AGBL4: variants seen among roughly 807,000 people sequenced by gnomAD.
The protein encoded by AGBL4 is cytosolic carboxypeptidase 6.
In AGBL4, 58 loss-of-function variants were observed where a neutral mutation model predicts 66.4. The ratio of observed to expected loss-of-function variants is 0.87; its 90% CI spans 0.71 to 1.09. The LOEUF is 1.09. AGBL4 is among the 50% of genes least tolerant of loss of function. The pLI is 0.00. For synonymous variants in AGBL4, 234 were observed against 222.9 expected (o/e 1.05, Z -0.44); for missense variants, 579 against 631.0 (o/e 0.92, Z 0.88).
intron 2 of AGBL4, among the ~76,000 whole-genome samples, chr1:49,829,205 G>A (rs1043601790): frequency 1.2e-4 from 19 of 152,172 alleles, no homozygotes; most frequent in African/African-American, 4.6e-4. Context: ...ATGGACGGAT[G>A]GATGAATGGA....
At chr1:49,343,126 G>C (rs1404764034) in intron 3 of AGBL4, among the ~76,000 whole-genome samples, 1 of 150,932 alleles carries the variant, frequency 6.6e-6, no homozygotes, top group Non-Finnish European at 1.5e-5. Context: ...CTTCTCAGTC[G>C]GCCTGAATTA....
At chr1:48,955,724 C>A (rs1333380219) in intron 5 of AGBL4, among the ~76,000 whole-genome samples, 1 of 152,152 alleles carries the variant, frequency 6.6e-6, no homozygotes, top group Non-Finnish European at 1.5e-5. Context: ...ATTGAAAAAA[C>A]GAGAAGCTAG....
At chr1:49,166,457 T>C (rs1383842644) in intron 4 of AGBL4, among the ~76,000 whole-genome samples, 1 of 152,102 alleles carries the variant, frequency 6.6e-6, no homozygotes, top group Non-Finnish European at 1.5e-5. Flanking sequence ...TTAACTTGGT[T>C]CTGTAGCTAT....
chr1:49,186,181 C>G (rs117619413), intron 4 of AGBL4, among the ~76,000 whole-genome samples: 1 of 152,150 alleles, frequency 6.6e-6, no homozygotes, highest in Non-Finnish European at 1.5e-5. Context: ...CACCCTGCCT[C>G]CCCTATGCAT....
intron 3 of AGBL4, among the ~76,000 whole-genome samples, chr1:49,655,003 A>G (rs992160933): frequency 5.3e-5 from 8 of 151,992 alleles, no homozygotes; most frequent in Non-Finnish European, 1.2e-4. Context: ...AGCTGATGCA[A>G]TTTCTTCCTA....
chr1:49,021,133 G>A (rs1397156836), intron 5 of AGBL4, among the ~76,000 whole-genome samples: 1 of 152,186 alleles, frequency 6.6e-6, no homozygotes, highest in Non-Finnish European at 1.5e-5. Context: ...GATTCGGGCA[G>A]CATAGAGAGC....
At chr1:48,925,748 A>G (rs1291663473) in intron 5 of AGBL4, among the ~76,000 whole-genome samples, 1 of 152,214 alleles carries the variant, frequency 6.6e-6, no homozygotes, top group Non-Finnish European at 1.5e-5. Context: ...ACTTACGGAT[A>G]TGGAGGGCCA....
the AGBL4 span, among the ~76,000 whole-genome samples, chr1:48,526,633 A>G: frequency 6.6e-6 from 1 of 152,198 alleles, no homozygotes; most frequent in African/African-American, 2.4e-5. Context: ...AGGAGCAGTA[A>G]TAGTAGTAGG....
intron 3 of AGBL4, among the ~76,000 whole-genome samples, chr1:49,560,997 A>G (rs894098259): frequency 6.6e-6 from 1 of 152,146 alleles, no homozygotes; most frequent in African/African-American, 2.4e-5. Context: ...CCAGTGAGAA[A>G]TAACTAATCA....
intron 3 of AGBL4, among the ~76,000 whole-genome samples, chr1:49,406,078 C>T (rs181436930): frequency 4.5e-4 from 68 of 152,316 alleles, no homozygotes; most frequent in African/African-American, 6.3e-4. Flanking sequence ...TTCCCTAAAA[C>T]GGGTCAGTGC....
chr1:49,685,013 TAA>T (rs957323033), intron 3 of AGBL4, among the ~76,000 whole-genome samples: 2 of 152,180 alleles, frequency 1.3e-5, no homozygotes, highest in Admixed American at 1.3e-4. Flanking sequence ...AGGTAAGTAG[TAA>T]TCATACTACT....
In AGBL4 at chr1:48,767,491, G is replaced by A. The variant is rs75099610; in HGVS notation, c.634+99700C>T. ...CAGTGGCAAGCAAGACGGATAAGAC[G>A]TGAGGAGGAGACAGAACACAGGGTG... On this transcript the variant is annotated intron_variant, in intron 6 of 13. Transcript: ENST00000371839. 2.9e-3 allele frequency among the ~76,000 whole-genome samples: 444 copies of A among 152,342 alleles called. 1 individual carries two copies. Among genetic ancestry groups the A allele is most frequent in the Admixed American group, 5.1e-3 (78 of 15,298 alleles).
intron 6 of AGBL4, among the ~76,000 whole-genome samples, chr1:48,836,842 A>G (rs1471617023): frequency 6.6e-6 from 1 of 152,036 alleles, no homozygotes; most frequent in Non-Finnish European, 1.5e-5. Flanking sequence ...TCATTTATTA[A>G]ACAAATATTT....
chr1:48,825,229 G>A (rs1236186624), intron 6 of AGBL4, among the ~76,000 whole-genome samples: 3 of 152,270 alleles, frequency 2.0e-5, no homozygotes, highest in Non-Finnish European at 4.4e-5. Context: ...AGGAGGGAGG[G>A]AAAGATTCCG....
intron 2 of AGBL4, among the ~76,000 whole-genome samples, chr1:49,833,193 A>G (rs926121440): frequency 3.9e-5 from 6 of 152,190 alleles, no homozygotes; most frequent in Non-Finnish European, 5.9e-5. Flanking sequence ...AAGGGATCCA[A>G]TTTCAGCTTT....
chr1:49,236,323 C>T (rs925112776), intron 4 of AGBL4, among the ~76,000 whole-genome samples: 8 of 152,092 alleles, frequency 5.3e-5, no homozygotes, highest in African/African-American at 1.9e-4. Context: ...CCACCACACC[C>T]AGCTCATTCT....
intron 3 of AGBL4, among the ~76,000 whole-genome samples, chr1:49,280,902 A>T (rs1190256903): frequency 1.3e-5 from 2 of 152,242 alleles, no homozygotes; most frequent in Non-Finnish European, 2.9e-5. Flanking sequence ...TCAATGTCAG[A>T]TAGCAATAAT....
At chr1:49,806,260 G>A (rs79570291) in intron 2 of AGBL4, among the ~76,000 whole-genome samples, 1 of 152,262 alleles carries the variant, frequency 6.6e-6, no homozygotes, top group Non-Finnish European at 1.5e-5. Context: ...TGAGTTCTTA[G>A]AAAGAAATAA....
At chr1:49,012,714 T>G (rs1191798092) in intron 5 of AGBL4, among the ~76,000 whole-genome samples, 1 of 152,172 alleles carries the variant, frequency 6.6e-6, no homozygotes. Context: ...TGCCCTCAGT[T>G]CCAAAGCAAA....
Sources: allele counts gnomAD v4.1 joint callset (sites outside exome capture counted in the v4.1 genomes callset), GRCh38; gene constraint gnomAD v4.1.1; transcripts MANE v1.5; gene names NCBI Gene and HGNC (gene_info 2026-07-23, HGNC 2026-07-21).